Variants in ZNF214 observed in about 807,000 individuals in gnomAD.
The protein encoded by ZNF214 is zinc finger protein 214.
ZNF214 carries 43 observed loss-of-function variants against 53.9 expected under a neutral mutation model. The ratio of observed to expected loss-of-function variants is 0.80; its 90% CI spans 0.63 to 1.03. The LOEUF (loss-of-function observed/expected upper bound fraction) is 1.03, where lower values mean the gene tolerates loss of function less well. Among genes scored for constraint, ZNF214 ranks in the 50% least tolerant of loss-of-function variants. The pLI is 0.00. For synonymous variants in ZNF214, 217 were observed against 229.5 expected (o/e 0.95, Z 0.49); for missense variants, 724 against 719.1 (o/e 1.01, Z -0.08).
In ZNF214 at chr11:7,001,503, T is replaced by C. The variant is rs761931332; in HGVS notation, c.180A>G (p.Glu60=). 78 of 1,611,302 alleles carry C rather than the reference T, an allele frequency of 4.8e-5. No homozygotes were observed. In the Admixed American group the frequency reaches 6.2e-4, roughly 13 times the overall value. ...KSQEEKFRYL[E]YENFSYWQGW... ...CTTGCCAGTAGGAAAAATTTTCATA[T>C]TCTAAGTATCTGAATTTTTCTTCTT... Residue 60 remains glutamate (E), a synonymous_variant, in exon 3 of 3, where the codon GAA becomes GAG. Transcript: ENST00000278314.
chr11:7,016,982 C>A (rs1298306286), intron 1 of ZNF214, among the ~76,000 whole-genome samples: 1 of 151,976 alleles, frequency 6.6e-6, no homozygotes, highest in Non-Finnish European at 1.5e-5. Context: ...AAGTAAAAGG[C>A]AAATGATAAA....
intron 1 of ZNF214, among the ~76,000 whole-genome samples, chr11:7,006,565 AT>A (rs1228592685): frequency 1.3e-5 from 2 of 152,080 alleles, no homozygotes; most frequent in African/African-American, 4.8e-5. Flanking sequence ...ACTATTGAAC[AT>A]TATTGACCTT....
Position 6,997,997 on chromosome 11 carries a change from C to G in ZNF214, c.*1865G>C, listed in dbSNP as rs533665267. On this transcript the variant is annotated 3_prime_UTR_variant, in exon 3 of 3. Coordinates refer to ENST00000278314, the MANE Select transcript of ZNF214 (RefSeq NM_013249.4). Reference sequence around the variant, plus strand: ...TTGATTTCAGTGCTTATCACTAGTCCTTTTATACCATGATTTCCACATTCA... The same window carrying G: ...TTGATTTCAGTGCTTATCACTAGTCGTTTTATACCATGATTTCCACATTCA... Among the ~76,000 whole-genome samples the G allele has an allele frequency of 9.0e-4, 137 of 151,990 alleles. No homozygotes were observed. The highest frequency in any genetic ancestry group is 3.1e-3 in the African/African-American group (130 of 41,520).
chr11:7,000,244 C>T lies in ZNF214; in HGVS notation c.1439G>A (p.Ser480Asn), dbSNP rs772451942. 6 of 1,613,356 alleles carry T rather than the reference C, an allele frequency of 3.7e-6. No individual in the cohort carries two copies. In the Admixed American group the frequency reaches 8.4e-5, roughly 22 times the overall value. ...YTCPECGKGF[S>N]KSSKLHTHQR... ...ATGAGTGTGAAGCTTTGAACTCTTA[C>T]TGAAGCCCTTCCCACATTCAGGACA... The change falls in exon 3 of 3, where the codon AGT (serine) becomes AAT (asparagine). Residue 480 changes from serine to asparagine, a missense_variant. Physicochemically the swap from Ser to Asn is conservative, Grantham distance 46. Coordinates refer to ENST00000278314, the MANE Select transcript of ZNF214 (RefSeq NM_013249.4).
rs1851242950 is a variant in ZNF214, at chr11:6,998,650, C to G, written c.*1212G>C. On this transcript the variant is annotated 3_prime_UTR_variant, in exon 3 of 3. Transcript: ENST00000278314. ...TTTTCACTTTAGATACTCTTCTCTA[C>G]TTGTATATTTCTACTCTATCTTTAC... is the stretch of plus-strand genomic sequence containing the variant. Among the ~76,000 whole-genome samples the G allele has an allele frequency of 6.6e-6, 1 of 151,914 alleles. No homozygotes were observed. The highest frequency in any genetic ancestry group is 2.4e-5 in the African/African-American group (1 of 41,374).
At chr11:7,018,288 C>T (rs1851822392) in intron 1 of ZNF214, among the ~76,000 whole-genome samples, 1 of 152,090 alleles carries the variant, frequency 6.6e-6, no homozygotes, top group South Asian at 2.1e-4. Flanking sequence ...TTCCCTGTCA[C>T]TAGCCTGGTT....
In ZNF214 at chr11:7,001,165, C is replaced by T. The variant is rs771278748; in HGVS notation, c.518G>A (p.Arg173Lys). Residue 173 changes from arginine (R) to lysine (K), a missense_variant, in exon 3 of 3, where the codon AGG becomes AAG. By Grantham distance (26) the Arg-to-Lys change is conservative (BLOSUM62 2). Coordinates refer to ENST00000278314, the MANE Select transcript of ZNF214 (RefSeq NM_013249.4). Reference protein sequence around the residue: ...QGGRYRLGISRKNLSMEKEQK... With the variant: ...QGGRYRLGISKKNLSMEKEQK... Reference sequence around the variant, plus strand: ...TTCTTTTTCCATGGAGAGGTTTTTCCTGGATATGCCAAGACGGTATCTGCC... The same window carrying T: ...TTCTTTTTCCATGGAGAGGTTTTTCTTGGATATGCCAAGACGGTATCTGCC... 6.2e-7 allele frequency: 1 copy of T among 1,613,084 alleles called. No individual in the cohort carries two copies. Among genetic ancestry groups the T allele is most frequent in the Non-Finnish European group, 8.5e-7 (1 of 1,179,516 alleles).
intron 2 of ZNF214, 24 bp from the exon 3 acceptor site, chr11:7,001,579 C>T: frequency 6.4e-7 from 1 of 1,561,544 alleles, no homozygotes; most frequent in East Asian, 2.2e-5. Flanking sequence ...AAGATAATCC[C>T]ATGGTGAGAT....
At chr11:7,007,416 T>TA (rs1459165507) in intron 1 of ZNF214, among the ~76,000 whole-genome samples, 1 of 150,648 alleles carries the variant, frequency 6.6e-6, no homozygotes, top group African/African-American at 2.4e-5. Flanking sequence ...ACAGATACAC[T>TA]AAAAAGAAAA....
At position 7,000,586 on chromosome 11, in the gene ZNF214, C is replaced by T. The variant is rs1457624019; in HGVS notation, c.1097G>A (p.Ser366Asn). The change falls in exon 3 of 3, where the codon AGT becomes AAT. Residue 366 changes from serine (S) to asparagine (N), a missense_variant. Physicochemically the swap from Ser to Asn is conservative, Grantham distance 46 (BLOSUM62 1). Coordinates refer to ENST00000278314, the MANE Select transcript of ZNF214 (RefSeq NM_013249.4). ...ATGAAGTACTGAACTCCGATTAAAACTCTTACCACACTGATTACATTTAAA... is the reference window on the plus strand; with the variant it reads ...ATGAAGTACTGAACTCCGATTAAAATTCTTACCACACTGATTACATTTAAA... ...KPFKCNQCGK[S>N]FNRSSVLHVH... The T allele has an allele frequency of 2.5e-6, 4 of 1,610,898 alleles. No homozygotes were observed. Among genetic ancestry groups the T allele is most frequent in the Non-Finnish European group, 2.5e-6 (3 of 1,178,696 alleles).
chr11:7,008,350 T>C (rs955826143), intron 1 of ZNF214, among the ~76,000 whole-genome samples: 1 of 152,102 alleles, frequency 6.6e-6, no homozygotes, highest in Non-Finnish European at 1.5e-5. Flanking sequence ...GGAGGAGCAA[T>C]TGAGCCTGGG....
At chr11:7,004,597 C>G (rs1457905010) in intron 1 of ZNF214, among the ~76,000 whole-genome samples, 3 of 152,026 alleles carry the variant, frequency 2.0e-5, no homozygotes, top group Non-Finnish European at 4.4e-5. Flanking sequence ...GAGGCGGGGT[C>G]ATAAAAGTCA....
Position 7,000,803 on chromosome 11 carries a change from G to A in ZNF214, c.880C>T (p.Gln294Ter). ...GGTACCTCCCCTATGTGAACTCTCT[G>A]ATGAAAGTGAACTCCGGAGCTCTGA... is the stretch of plus-strand genomic sequence containing the variant. ...FHQSSGVHFHQRVHIGEVPYS... is the reference protein window; with the variant it reads ...FHQSSGVHFH Residue 294 changes from glutamine (Q) to a stop codon, truncating the protein, a stop_gained, in exon 3 of 3, where the codon CAG (glutamine) becomes TAG (stop). Coordinates refer to ENST00000278314, the MANE Select transcript of ZNF214 (RefSeq NM_013249.4). LOFTEE classifies it high-confidence loss of function. 1 of 1,611,198 alleles carries A rather than the reference G, an allele frequency of 6.2e-7. No individual in the cohort carries two copies. The highest frequency in any genetic ancestry group is 8.5e-7 in the Non-Finnish European group (1 of 1,179,220).
chr11:7,015,468 T>C (rs944166409), intron 1 of ZNF214, among the ~76,000 whole-genome samples: 8 of 151,990 alleles, frequency 5.3e-5, no homozygotes, highest in Non-Finnish European at 1.2e-4. Context: ...TCCCAGCTAC[T>C]TGGGAGGCTG....
In ZNF214 at chr11:6,999,505, A is replaced by G. The variant is rs1851266079; in HGVS notation, c.*357T>C. ...TCAATTCAAACCAAAATTTAAGTAAATATTTTGAAGACAGTGAAAATACAA... is the reference window on the plus strand; with the variant it reads ...TCAATTCAAACCAAAATTTAAGTAAGTATTTTGAAGACAGTGAAAATACAA... On this transcript the variant is annotated 3_prime_UTR_variant, in exon 3 of 3. Coordinates refer to ENST00000278314, the MANE Select transcript of ZNF214 (RefSeq NM_013249.4). 1 of 158,332 alleles carries G rather than the reference A, an allele frequency of 6.3e-6. No individual in the cohort carries two copies. The highest frequency in any genetic ancestry group is 2.4e-5 in the African/African-American group (1 of 41,568). The allele number at this position is 158,332 out of a possible 1,614,324, so 9.8% of individuals were successfully genotyped here.
Position 7,001,178 on chromosome 11 carries a change from G to C in ZNF214, c.505C>G (p.Leu169Val). The change falls in exon 3 of 3, where the codon CTT (leucine) becomes GTT (valine). Residue 169 changes from leucine to valine, a missense_variant. Coordinates refer to ENST00000278314, the MANE Select transcript of ZNF214 (RefSeq NM_013249.4). ...SHGFQGGRYR[L>V]GISRKNLSME... ...GAGAGGTTTTTCCTGGATATGCCAAGACGGTATCTGCCCCCTTGAAAACCA... is the reference window on the plus strand; with the variant it reads ...GAGAGGTTTTTCCTGGATATGCCAACACGGTATCTGCCCCCTTGAAAACCA... 1 of 1,613,302 alleles carries C rather than the reference G, an allele frequency of 6.2e-7. No homozygotes were observed.
chr11:7,018,116 T>G (rs1851818469), intron 1 of ZNF214, among the ~76,000 whole-genome samples: 2 of 152,202 alleles, frequency 1.3e-5, no homozygotes, highest in African/African-American at 4.8e-5. Flanking sequence ...GACTAGTGAG[T>G]ACATATATAC....
chr11:7,001,600 T>G, intron 2 of ZNF214, 45 bp from the exon 3 acceptor site: 1 of 1,528,102 alleles, frequency 6.5e-7, no homozygotes, highest in Non-Finnish European at 8.7e-7. Context: ...AAAAGCTGTG[T>G]TGAAAAATTT....
chr11:7,018,881 G>C (rs528921326), intron 1 of ZNF214, among the ~76,000 whole-genome samples: 4 of 152,252 alleles, frequency 2.6e-5, no homozygotes, highest in African/African-American at 9.6e-5. Context: ...CTGAATGAAT[G>C]AATGAGTAAA....
Sources: allele counts gnomAD v4.1 joint callset (sites outside exome capture counted in the v4.1 genomes callset), GRCh38; gene constraint gnomAD v4.1.1; transcripts MANE v1.5; gene names NCBI Gene and HGNC (gene_info 2026-07-23, HGNC 2026-07-21).